The following NDST4 variants were observed in gnomAD, a reference collection of about 807,000 sequenced individuals.
NDST4 encodes N-heparan sulfate sulfotransferase 4.
Under a neutral mutation model 100.8 loss-of-function variants are expected in NDST4, and 63 were observed. That is an observed-to-expected ratio of 0.62 (90% CI 0.51 to 0.77). The LOEUF (loss-of-function observed/expected upper bound fraction) is 0.77. Among genes scored for constraint, NDST4 ranks in the 30% least tolerant of loss-of-function variants. The pLI is 0.00. For missense variants in NDST4, 943 were observed against 1,018.4 expected, an observed-to-expected ratio of 0.93 and a Z score of 1.01; for synonymous variants, 377 against 361.8, an observed-to-expected ratio of 1.04 and a Z score of -0.48.
intron 6 of NDST4, among the ~76,000 whole-genome samples, chr4:114,873,650 G>A (rs1005439467): frequency 2.0e-5 from 3 of 151,976 alleles, no homozygotes; most frequent in African/African-American, 4.8e-5. Flanking sequence ...AGTAGTTGAT[G>A]ACCATATAAT....
intron 1 of NDST4, among the ~76,000 whole-genome samples, chr4:115,085,517 T>C (rs771206368): frequency 1.2e-4 from 18 of 152,116 alleles, no homozygotes; most frequent in Non-Finnish European, 2.4e-4. Context: ...CTACGTGTCA[T>C]AGAAGGGACC....
intron 2 of NDST4, among the ~76,000 whole-genome samples, chr4:115,028,691 A>T (rs1463840264): frequency 6.6e-6 from 1 of 152,148 alleles, no homozygotes; most frequent in African/African-American, 2.4e-5. Context: ...GTATGGCAAT[A>T]TAATAAAAAT....
At position 114,931,800 on chromosome 4, in the gene NDST4, T is replaced by C. The variant is rs115004975; in HGVS notation, c.1536+3406A>G. Among the ~76,000 whole-genome samples the C allele has an allele frequency of 4.3e-3, 659 of 151,714 alleles. 3 individuals are homozygous for C. The highest frequency in any genetic ancestry group is 0.015 in the African/African-American group (628 of 41,436). On this transcript the variant is annotated intron_variant, in intron 6 of 13. Transcript: ENST00000264363. ...TTACCAAGATTGAGTCATGAAGAAA[T>C]AGGAAATCTGAACAGACCAATAACG...
At chr4:114,938,015 G>A (rs1325311721) in intron 4 of NDST4, among the ~76,000 whole-genome samples, 3 of 152,276 alleles carry the variant, frequency 2.0e-5, no homozygotes, top group East Asian at 1.9e-4. Flanking sequence ...GAAGCTCTCT[G>A]AGCCTGGAGG....
intron 1 of NDST4, among the ~76,000 whole-genome samples, chr4:115,085,557 G>A (rs1729393113): frequency 6.6e-6 from 1 of 152,040 alleles, no homozygotes; most frequent in South Asian, 2.1e-4. Flanking sequence ...CATGAGGGTG[G>A]TTACCCCCAT....
rs548760381 is a variant in NDST4 at position 114,865,115 on chromosome 4, A to G, written c.1719+5653T>C. 1.5e-3 allele frequency among the ~76,000 whole-genome samples: 222 copies of G among 150,522 alleles called. 1 individual carries two copies. Among genetic ancestry groups the G allele is most frequent in the African/African-American group, 5.4e-3 (218 of 40,682 alleles). ...AGTCTCACTCCATCACCCAGGCTGG[A>G]GTGCAGTGGCACAATCTCGGCTCAC... On this transcript the variant is annotated intron_variant, in intron 7 of 13. Transcript: ENST00000264363.
intron 5 of NDST4, among the ~76,000 whole-genome samples, chr4:114,936,268 C>T (rs1395317437): frequency 6.6e-6 from 1 of 152,128 alleles, no homozygotes; most frequent in Non-Finnish European, 1.5e-5. Context: ...ATCAATGCCA[C>T]TATTTGCATT....
At chr4:115,093,357 C>T (rs1476553866) in intron 1 of NDST4, among the ~76,000 whole-genome samples, 3 of 151,950 alleles carry the variant, frequency 2.0e-5, no homozygotes, top group Non-Finnish European at 4.4e-5. Context: ...TGCCTGTAGT[C>T]CCAGCTACTC....
intron 2 of NDST4, among the ~76,000 whole-genome samples, chr4:114,982,617 A>G (rs527358875): frequency 3.3e-5 from 5 of 152,308 alleles, no homozygotes; most frequent in African/African-American, 1.2e-4. Flanking sequence ...GCAGAACATA[A>G]AAGTTGGAAA....
At chr4:114,887,332 A>G (rs1193978325) in intron 6 of NDST4, among the ~76,000 whole-genome samples, 1 of 152,222 alleles carries the variant, frequency 6.6e-6, no homozygotes, top group East Asian at 1.9e-4. Context: ...GAAATCAGAT[A>G]AATAGAAATT....
chr4:114,981,396 A>G (rs1726769638), intron 2 of NDST4, among the ~76,000 whole-genome samples: 1 of 152,084 alleles, frequency 6.6e-6, no homozygotes, highest in African/African-American at 2.4e-5. Flanking sequence ...AAAATTGTCA[A>G]TTCTGGGGCC....
At chr4:114,985,746 C>T (rs1043532433) in intron 2 of NDST4, among the ~76,000 whole-genome samples, 1 of 152,050 alleles carries the variant, frequency 6.6e-6, no homozygotes, top group South Asian at 2.1e-4. Flanking sequence ...AATTTTAGTA[C>T]CATGCTATTA....
At chr4:114,843,352 T>C (rs1723473107) in intron 10 of NDST4, among the ~76,000 whole-genome samples, 1 of 152,052 alleles carries the variant, frequency 6.6e-6, no homozygotes, top group Non-Finnish European at 1.5e-5. Context: ...GCGGAGTTGG[T>C]TACCTATTTT....
At chr4:114,907,512 A>G (rs1298388734) in intron 6 of NDST4, among the ~76,000 whole-genome samples, 2 of 152,198 alleles carry the variant, frequency 1.3e-5, no homozygotes, top group Non-Finnish European at 2.9e-5. Flanking sequence ...ATGATTTTAA[A>G]TTGTATTTAA....
intron 6 of NDST4, 22 bp from the exon 7 acceptor site, chr4:114,870,972 C>T: frequency 6.3e-7 from 1 of 1,579,020 alleles, no homozygotes; most frequent in Non-Finnish European, 8.6e-7. Flanking sequence ...ATAAAAATGA[C>T]CACAAAAATA....
intron 6 of NDST4, among the ~76,000 whole-genome samples, chr4:114,887,662 A>C (rs1724508343): frequency 6.6e-6 from 1 of 152,168 alleles, no homozygotes; most frequent in Non-Finnish European, 1.5e-5. Context: ...GCTTAAAGTA[A>C]TTTGGCATTT....
At chr4:114,975,484 C>T (rs1304243990) in intron 3 of NDST4, among the ~76,000 whole-genome samples, 7 of 152,012 alleles carry the variant, frequency 4.6e-5, no homozygotes, top group Admixed American at 1.3e-4. Context: ...TACTGTCCTT[C>T]TTCAATAACT....
intron 7 of NDST4, among the ~76,000 whole-genome samples, chr4:114,861,782 C>A (rs1176841842): frequency 6.6e-6 from 1 of 152,070 alleles, no homozygotes; most frequent in Non-Finnish European, 1.5e-5. Context: ...CTGGTTCCTG[C>A]AACTCATAAA....
intron 6 of NDST4, among the ~76,000 whole-genome samples, chr4:114,888,531 G>A (rs370516193): frequency 3.9e-5 from 6 of 152,268 alleles, no homozygotes; most frequent in South Asian, 4.1e-4. Flanking sequence ...CTCATTTAAC[G>A]AATGAACTGG....
Sources: gnomAD v4.1 joint callset for allele counts (sites outside exome capture counted in the v4.1 genomes callset) on GRCh38, gnomAD v4.1.1 for gene constraint, MANE v1.5 for transcripts, NCBI Gene and HGNC (gene_info 2026-07-23, HGNC 2026-07-21) for gene names.